Variants in VIRMA observed in about 807,000 individuals in gnomAD.
VIRMA encodes the protein vir like m6A methyltransferase associated, also known as protein virilizer homolog.
A neutral mutation model predicts 182.4 loss-of-function variants in VIRMA; 65 were observed. The ratio of observed to expected loss-of-function variants is 0.36; its 90% CI spans 0.29 to 0.44. VIRMA has a LOEUF of 0.44. Among genes scored for constraint, VIRMA ranks in the 20% least tolerant of loss-of-function variants. The pLI is 1.00. For synonymous variants in VIRMA, 709 were observed against 743.1 expected (o/e 0.95, Z 0.75); for missense variants, 1,752 against 2,158.1 (o/e 0.81, Z 3.73).
chr8:94,501,255 C>CAAAAAA (rs55726504), intron 16 of VIRMA, among the ~76,000 whole-genome samples: 33 of 72,794 alleles, frequency 4.5e-4, no homozygotes, highest in Middle Eastern at 9.1e-3. Flanking sequence ...GATTCCATCT[C>CAAAAAA]AAAAAAAAAA....
intron 5 of VIRMA, 46 bp from the exon 6 acceptor site, chr8:94,531,131 G>A (rs1193170298): frequency 3.3e-6 from 5 of 1,496,944 alleles, no homozygotes; most frequent in Non-Finnish European, 4.4e-6. Context: ...AATTACAGAT[G>A]ACCCCCGAAC....
Position 94,527,269 on chromosome 8 carries a change from G to A in VIRMA, c.975C>T (p.Tyr325=). The change falls in exon 8 of 24, where the codon TAC becomes TAT. Residue 325 remains tyrosine (Y), a synonymous_variant. Transcript: ENST00000297591. ...GAACTGAAGCTAAGTCTTCAGCAGTGTATTCAACATCAAAGTTTGGATACT... is the reference window on the plus strand; with the variant it reads ...GAACTGAAGCTAAGTCTTCAGCAGTATATTCAACATCAAAGTTTGGATACT... ...TFKYPNFDVE[Y]TAEDLASVPP... 6.2e-7 allele frequency: 1 copy of A among 1,612,390 alleles called. No individual in the cohort carries two copies. Among genetic ancestry groups the A allele is most frequent in the Non-Finnish European group, 8.5e-7 (1 of 1,178,806 alleles).
In VIRMA at chr8:94,526,670, T is replaced by C; in HGVS notation, c.1574A>G (p.Gln525Arg). ...EGMEAFLRGR[Q>R]NEKSGYQKLL... ...CTTTTGATAACCACTTTTTTCATTC[T>C]GCCTACCTCTTAAAAAAGCTTCCAT... Residue 525 changes from glutamine to arginine, a missense_variant, in exon 8 of 24, where the codon CAG (glutamine) becomes CGG (arginine). Physicochemically the swap from Gln to Arg is conservative, Grantham distance 43. Transcript: ENST00000297591. 6.2e-7 allele frequency: 1 copy of C among 1,614,072 alleles called. No homozygotes were observed. Among genetic ancestry groups the C allele is most frequent in the Non-Finnish European group, 8.5e-7 (1 of 1,180,026 alleles).
At chr8:94,537,821 T>G (rs1364420120) in intron 3 of VIRMA, among the ~76,000 whole-genome samples, 1 of 151,790 alleles carries the variant, frequency 6.6e-6, no homozygotes, top group Admixed American at 6.6e-5. Flanking sequence ...ATGTACTAAA[T>G]AATCAAAAAA....
chr8:94,488,937 G>A (rs1486498920), intron 23 of VIRMA, 77 bp from the exon 24 acceptor site: 11 of 1,476,594 alleles, frequency 7.4e-6, no homozygotes, highest in Non-Finnish European at 1.0e-5. Context: ...CTACGACACT[G>A]AGCTCAAACC....
chr8:94,512,563 G>A (rs1024192712), intron 11 of VIRMA: 1 of 152,264 alleles, frequency 6.6e-6, no homozygotes, highest in African/African-American at 2.4e-5. Flanking sequence ...GATTGCTTGA[G>A]CCCAGGAGTT....
Position 94,534,876 on chromosome 8 carries a change from G to A in VIRMA, c.447C>T (p.Pro149=), listed in dbSNP as rs1453151382. 3.1e-6 allele frequency: 5 copies of A among 1,613,468 alleles called. No individual in the cohort carries two copies. The Admixed American group carries it at 6.7e-5, about 22-fold the overall frequency. ...TCCTTTTCAAACTTGGTTGTGGCTG[G>A]GGAGGTGGTGGCGGTGGAGGTGGTG... ...PPPPPPPPPP[P]QPQPSLKRNP... Residue 149 remains proline (P), a synonymous_variant, in exon 5 of 24, where the codon CCC becomes CCT. Transcript: ENST00000297591.
chr8:94,510,548 G>C lies in VIRMA; in HGVS notation c.3495C>G (p.Phe1165Leu). ...GAATGGGCTGGCAGGTTGTGCCAGA[G>C]AAAGAGCGAACTATTTCTTGGAGCA... ...AKLLQEIVRS[F>L]SGTTCQPIQH... Residue 1165 changes from phenylalanine (F) to leucine (L), a missense_variant, in exon 14 of 24, where the codon TTC becomes TTG. Coordinates refer to ENST00000297591, the MANE Select transcript of VIRMA (RefSeq NM_015496.5). 1 of 1,614,116 alleles carries C rather than the reference G, an allele frequency of 6.2e-7. No individual in the cohort carries two copies.
At chr8:94,512,837 G>C (rs1814425399) in intron 11 of VIRMA, among the ~76,000 whole-genome samples, 1 of 152,160 alleles carries the variant, frequency 6.6e-6, no homozygotes, top group African/African-American at 2.4e-5. Context: ...TGAGGAAGCA[G>C]CAAGGAATGT....
At chr8:94,495,635 TG>T in intron 19 of VIRMA, 95 bp downstream of exon 19, 1 of 865,338 alleles carries the variant, frequency 1.2e-6, no homozygotes, top group Non-Finnish European at 1.8e-6. Flanking sequence ...TCTTACTATC[TG>T]GCCCTTTATA....
rs1814982184 is a variant in VIRMA at position 94,526,683 on chromosome 8, A to G, written c.1561T>C (p.Leu521=). ...CTTTTTTCATTCTGCCTACCTCTTA[A>G]AAAAGCTTCCATTCCTTCTGTCATA... ...ISMTEGMEAF[L]RGRQNEKSGY... is the part of the protein sequence containing the mutation. Residue 521 remains leucine, a synonymous_variant, in exon 8 of 24, where the codon TTA becomes CTA. Transcript: ENST00000297591. 1 of 1,613,838 alleles carries G rather than the reference A, an allele frequency of 6.2e-7. No individual in the cohort carries two copies. Among genetic ancestry groups the G allele is most frequent in the South Asian group, 1.1e-5 (1 of 91,078 alleles).
At chr8:94,521,731 T>C (rs542103566) in intron 8 of VIRMA, among the ~76,000 whole-genome samples, 1 of 152,312 alleles carries the variant, frequency 6.6e-6, no homozygotes, top group East Asian at 1.9e-4. Flanking sequence ...AACTGCTTCT[T>C]CAGTCCTATT....
rs140872798 is a variant in VIRMA at position 94,519,417 on chromosome 8, G to C, written c.2081C>G (p.Thr694Arg). ...TTGCAGCACACCAGGGTGAGCACTT[G>C]TTACTGGAATTGACAGAAGCAAGGT... ...LVTLLLSIPVTSAHPGVLQAT... is the reference protein window; with the variant it reads ...LVTLLLSIPVRSAHPGVLQAT... Residue 694 changes from threonine (T) to arginine (R), a missense_variant, in exon 9 of 24, where the codon ACA becomes AGA. By Grantham distance (71) the Thr-to-Arg change is moderately conservative. Transcript: ENST00000297591. 5.9e-6 allele frequency: 9 copies of C among 1,532,950 alleles called. No individual in the cohort carries two copies. Among genetic ancestry groups the C allele is most frequent in the Admixed American group, 2.2e-5 (1 of 45,046 alleles). The allele number at this position is 1,532,950 out of a possible 1,614,324, so 95.0% of individuals were successfully genotyped here. A position where few individuals can be genotyped will look rare whatever the true frequency, so the allele number is the denominator to read the frequency against.
At position 94,511,624 on chromosome 8, in the gene VIRMA, G is replaced by A. The variant is rs148138418; in HGVS notation, c.2951C>T (p.Thr984Ile). Residue 984 changes from threonine to isoleucine, a missense_variant, in exon 13 of 24, where the codon ACT becomes ATT. Physicochemically the swap from Thr to Ile is moderately conservative, Grantham distance 89. Transcript: ENST00000297591. The part of the protein sequence containing the change: ...RVLQKLNSIL[T>I]QPWRLHVNMG... ...GTTGACATGGAGCCTCCAAGGCTGAGTCAGAATACTGTTCAATTTTTGCAG... is the reference window on the plus strand; with the variant it reads ...GTTGACATGGAGCCTCCAAGGCTGAATCAGAATACTGTTCAATTTTTGCAG... 3 of 1,614,106 alleles carry A rather than the reference G, an allele frequency of 1.9e-6. No individual in the cohort carries two copies. Among genetic ancestry groups the A allele is most frequent in the African/African-American group, 1.3e-5 (1 of 75,014 alleles).
At chr8:94,505,614 T>C (rs1274511917) in intron 16 of VIRMA, among the ~76,000 whole-genome samples, 2 of 151,930 alleles carry the variant, frequency 1.3e-5, no homozygotes, top group African/African-American at 4.8e-5. Flanking sequence ...TCCCAAGTAG[T>C]TGGGACTACA....
intron 10 of VIRMA, among the ~76,000 whole-genome samples, chr8:94,516,128 A>G (rs1814554982): frequency 6.6e-6 from 1 of 152,136 alleles, no homozygotes; most frequent in Admixed American, 6.5e-5. Context: ...ACATACCTAC[A>G]AAATAGACTG....
intron 5 of VIRMA, among the ~76,000 whole-genome samples, 185 bp from the exon 6 acceptor site, chr8:94,531,270 G>C (rs548934424): frequency 1.3e-3 from 205 of 152,262 alleles, no homozygotes; most frequent in Non-Finnish European, 2.4e-3. Flanking sequence ...GTATATGCAG[G>C]TTCCTCGGGG....
chr8:94,527,563 T>C (rs977544567), intron 7 of VIRMA, among the ~76,000 whole-genome samples, 200 bp from the exon 8 acceptor site: 9 of 152,222 alleles, frequency 5.9e-5, no homozygotes, highest in African/African-American at 1.9e-4. Flanking sequence ...CTTTTTTTCC[T>C]GAAAGGGGTG....
chr8:94,488,494 C>T lies in VIRMA; in HGVS notation c.*212G>A. ...GAAATTTTCTAAATAAATAGTCATA[C>T]AAAAAAGGGAAAATATATACAAACG... On this transcript the variant is annotated 3_prime_UTR_variant, in exon 24 of 24. Transcript: ENST00000297591. 7.1e-6 allele frequency: 3 copies of T among 424,748 alleles called. No individual in the cohort carries two copies. The highest frequency in any genetic ancestry group is 3.8e-5 in the Admixed American group (1 of 26,338). 26.3% of individuals were successfully genotyped at this position (424,748 alleles called of 1,614,324 possible). A position where few individuals can be genotyped will look rare whatever the true frequency, so the allele number is the denominator to read the frequency against.
Sources: allele counts gnomAD v4.1 joint callset (sites outside exome capture counted in the v4.1 genomes callset), GRCh38; gene constraint gnomAD v4.1.1; transcripts MANE v1.5; gene names NCBI Gene and HGNC (gene_info 2026-07-23, HGNC 2026-07-21).